Variants in PLXNA2 observed in about 807,000 individuals in gnomAD.
PLXNA2 encodes the protein plexin A2.
Under a neutral mutation model 193.5 loss-of-function variants are expected in PLXNA2, and 91 were observed. The observed-to-expected ratio is 0.47, with a 90% CI of 0.40 to 0.56. The LOEUF is 0.56. Among genes scored for constraint, PLXNA2 ranks in the 20% least tolerant of loss-of-function variants. PLXNA2 has a pLI of 0.00. For synonymous variants in PLXNA2, 997 were observed against 1,027.3 expected (o/e 0.97, Z 0.56); for missense variants, 1,995 against 2,503.2 (o/e 0.80, Z 4.33).
At chr1:208,187,114 A>G (rs995902328) in intron 3 of PLXNA2, among the ~76,000 whole-genome samples, 3 of 152,094 alleles carry the variant, frequency 2.0e-5, no homozygotes, top group Non-Finnish European at 4.4e-5. Flanking sequence ...AGAATTTTGA[A>G]CCAGAATTAC....
Position 208,031,578 on chromosome 1 carries a change from C to T in PLXNA2, c.5225+12G>A, listed in dbSNP as rs200729433. ...CAGGCTGCACCTCCTGCTGAGCTCCCCGAGGGTTTACCAGTTGCTTTTCCA... is the reference window on the plus strand; with the variant it reads ...CAGGCTGCACCTCCTGCTGAGCTCCTCGAGGGTTTACCAGTTGCTTTTCCA... On this transcript the variant is annotated intron_variant, in intron 29 of 31. Transcript: ENST00000367033. The T allele has an allele frequency of 2.5e-6, 4 of 1,613,970 alleles. No homozygotes were observed. The African/African-American group carries it at 4.0e-5, about 16-fold the overall frequency.
chr1:208,109,191 T>G (rs2102428331), intron 4 of PLXNA2, among the ~76,000 whole-genome samples: 1 of 152,152 alleles, frequency 6.6e-6, no homozygotes, highest in East Asian at 1.9e-4. Flanking sequence ...GTTGGCCTCA[T>G]CAACAGCCTC....
intron 3 of PLXNA2, among the ~76,000 whole-genome samples, chr1:208,181,462 A>T (rs567237831): frequency 6.6e-6 from 1 of 152,306 alleles, no homozygotes; most frequent in African/African-American, 2.4e-5. Flanking sequence ...TGAAAGTCTG[A>T]TCCCACTGGC....
intron 4 of PLXNA2, among the ~76,000 whole-genome samples, chr1:208,129,412 G>A (rs1668079914): frequency 6.6e-6 from 1 of 152,172 alleles, no homozygotes; most frequent in South Asian, 2.1e-4. Context: ...AGCTGGGGCT[G>A]GGGGAATCCC....
intron 1 of PLXNA2, among the ~76,000 whole-genome samples, chr1:208,239,350 T>A (rs1671973385): frequency 6.6e-6 from 1 of 152,194 alleles, no homozygotes; most frequent in African/African-American, 2.4e-5. Flanking sequence ...CTCTGAGCTC[T>A]GTCCACCCCC....
chr1:208,129,452 C>A (rs1476727632), intron 4 of PLXNA2, among the ~76,000 whole-genome samples: 2 of 152,118 alleles, frequency 1.3e-5, no homozygotes, highest in African/African-American at 4.8e-5. Context: ...ATTGAGCCCC[C>A]CTGAAGGCTG....
In PLXNA2 at chr1:208,045,974, G is replaced by A. The variant is rs866647677; in HGVS notation, c.3399C>T (p.Asn1133=). ...FNNVQSLLIY[N]DTKFIYYPNP... is the part of the protein sequence containing the mutation. ...TGGGGTAGTAGATAAACTTGGTGTC[G>A]TTGTAAATTAGCAAGGATTGGACAT... The change falls in exon 18 of 32, where the codon AAC becomes AAT. Residue 1133 remains asparagine, a synonymous_variant. Transcript: ENST00000367033. The A allele has an allele frequency of 1.4e-5, 22 of 1,614,124 alleles. No individual in the cohort carries two copies. Among genetic ancestry groups the A allele is most frequent in the African/African-American group, 2.7e-5 (2 of 74,936 alleles).
chr1:208,124,104 A>G (rs760711771), intron 4 of PLXNA2, among the ~76,000 whole-genome samples: 9 of 152,188 alleles, frequency 5.9e-5, no homozygotes, highest in Non-Finnish European at 1.2e-4. Flanking sequence ...GAACCAATCC[A>G]GTGGTTGTCA....
At chr1:208,178,730 G>A (rs1316248344) in intron 3 of PLXNA2, among the ~76,000 whole-genome samples, 2 of 152,210 alleles carry the variant, frequency 1.3e-5, no homozygotes, top group Non-Finnish European at 2.9e-5. Context: ...CTCACCCTTA[G>A]GGGAGTGGTT....
intron 3 of PLXNA2, among the ~76,000 whole-genome samples, chr1:208,148,378 A>C (rs1237616525): frequency 6.6e-6 from 1 of 152,198 alleles, no homozygotes; most frequent in Non-Finnish European, 1.5e-5. Flanking sequence ...ATCACCACAC[A>C]GAAGGAAGCA....
At chr1:208,076,627 T>C (rs890805606) in intron 12 of PLXNA2, among the ~76,000 whole-genome samples, 5 of 152,124 alleles carry the variant, frequency 3.3e-5, no homozygotes, top group African/African-American at 1.2e-4. Context: ...CAAATCCAAA[T>C]TGAGGGACAT....
chr1:208,045,522 T>A (rs886565075), intron 18 of PLXNA2, among the ~76,000 whole-genome samples: 6 of 152,124 alleles, frequency 3.9e-5, no homozygotes, highest in African/African-American at 1.4e-4. Context: ...ACAAATCACT[T>A]GGATGGACAG....
At chr1:208,168,751 T>TTTTTTTTTTTTTTG (rs1669395764) in intron 3 of PLXNA2, among the ~76,000 whole-genome samples, 1 of 139,172 alleles carries the variant, frequency 7.2e-6, no homozygotes, top group Non-Finnish European at 1.5e-5. Flanking sequence ...TTTTTTTTTT[T>TTTTTTTTTTTTTTG]AGAATGACAG....
At chr1:208,224,096 G>A (rs193018958) in intron 1 of PLXNA2, among the ~76,000 whole-genome samples, 108 of 152,318 alleles carry the variant, frequency 7.1e-4, no homozygotes, top group Non-Finnish European at 1.3e-3. Flanking sequence ...GTCTAACACC[G>A]ACCTTAGAGG....
intron 12 of PLXNA2, among the ~76,000 whole-genome samples, chr1:208,066,019 C>G (rs181010134): frequency 6.1e-4 from 93 of 151,952 alleles, no homozygotes; most frequent in Non-Finnish European, 1.2e-3. Context: ...AATGATTTGA[C>G]AGTTTGGGGG....
chr1:208,071,209 G>A (rs1202539585), intron 12 of PLXNA2, among the ~76,000 whole-genome samples: 1 of 152,224 alleles, frequency 6.6e-6, no homozygotes, highest in Non-Finnish European at 1.5e-5. Flanking sequence ...CTCCAGAATG[G>A]TCTCAGTCCC....
intron 9 of PLXNA2, among the ~76,000 whole-genome samples, chr1:208,092,246 C>G (rs1006499378): frequency 1.3e-5 from 2 of 152,232 alleles, no homozygotes; most frequent in African/African-American, 2.4e-5. Flanking sequence ...TATAATAAAA[C>G]AGGACTTTTA....
chr1:208,209,049 C>T (rs1439433264), intron 3 of PLXNA2, among the ~76,000 whole-genome samples: 1 of 152,152 alleles, frequency 6.6e-6, no homozygotes, highest in Admixed American at 6.5e-5. Flanking sequence ...TTCTCTCTTC[C>T]ATGTGCCGAA....
intron 23 of PLXNA2, 40 bp downstream of exon 23, chr1:208,039,952 C>T: frequency 6.2e-7 from 1 of 1,605,872 alleles, no homozygotes; most frequent in Non-Finnish European, 8.5e-7. Context: ...CAGTGCCATC[C>T]TGCCCTGGAC....
Sources: gnomAD v4.1 joint callset for allele counts (sites outside exome capture counted in the v4.1 genomes callset) on GRCh38, gnomAD v4.1.1 for gene constraint, MANE v1.5 for transcripts, NCBI Gene and HGNC (gene_info 2026-07-23, HGNC 2026-07-21) for gene names.